Variants in KIAA2012 observed in about 807,000 individuals in gnomAD.
KIAA2012 encodes KIAA2012.
A neutral mutation model predicts 150.6 loss-of-function variants in KIAA2012; 125 were observed. That is an observed-to-expected ratio of 0.83 (90% CI 0.72 to 0.96). The LOEUF (loss-of-function observed/expected upper bound fraction) is 0.96, where lower values mean the gene tolerates loss of function less well. Ranked by LOEUF, KIAA2012 falls within the 40% of genes least tolerant of loss-of-function variation. The probability of loss-of-function intolerance (pLI) is 0.00; values close to 1 mark genes in which losing one functional copy is unlikely to be tolerated. For synonymous variants in KIAA2012, 462 were observed against 504.7 expected (o/e 0.92, Z 1.13); for missense variants, 1,219 against 1,354.9 (o/e 0.90, Z 1.57).
rs1692530886 is a variant in KIAA2012 at position 202,201,749 on chromosome 2, A to C, written c.3408-680A>C. On this transcript the variant is annotated intron_variant, in intron 22 of 23. Transcript: ENST00000498697. Reference sequence around the variant, plus strand: ...CCCTGGGGTGCACAAAGCTTGGATGATAGAGCTCTGAGTAGGCAGTCGGAG... The same window carrying C: ...CCCTGGGGTGCACAAAGCTTGGATGCTAGAGCTCTGAGTAGGCAGTCGGAG... 2.1e-6 allele frequency: 3 copies of C among 1,402,926 alleles called. No homozygotes were observed. The Admixed American group carries it at 5.0e-5, about 24-fold the overall frequency. 86.9% of individuals were successfully genotyped at this position (1,402,926 alleles called of 1,614,324 possible).
chr2:202,100,273 T>C (rs1197396087), intron 6 of KIAA2012, 34 bp from the exon 7 acceptor site: 22 of 1,536,980 alleles, frequency 1.4e-5, no homozygotes, highest in Non-Finnish European at 1.8e-5. Flanking sequence ...CTACCTGCAA[T>C]TAATATATTC....
At chr2:202,185,916 T>TCATTCAA (rs1188182918) in intron 16 of KIAA2012, among the ~76,000 whole-genome samples, 6 of 152,202 alleles carry the variant, frequency 3.9e-5, no homozygotes, top group Non-Finnish European at 5.9e-5. Flanking sequence ...TCCATTCACC[T>TCATTCAA]CATTCAACAA....
intron 14 of KIAA2012, among the ~76,000 whole-genome samples, chr2:202,155,372 C>G (rs1426005674): frequency 4.6e-5 from 7 of 152,164 alleles, no homozygotes; most frequent in Non-Finnish European, 7.3e-5. Context: ...CCCTCCCACC[C>G]CAGCATCGAA....
intron 15 of KIAA2012, among the ~76,000 whole-genome samples, chr2:202,174,620 T>A (rs1038934612): frequency 6.6e-6 from 1 of 152,208 alleles, no homozygotes; most frequent in African/African-American, 2.4e-5. Context: ...ACTGCAAACA[T>A]ACACAGAAGT....
intron 2 of KIAA2012, among the ~76,000 whole-genome samples, chr2:202,076,676 G>C (rs1031612300): frequency 6.6e-6 from 1 of 152,094 alleles, no homozygotes; most frequent in Non-Finnish European, 1.5e-5. Context: ...TTTGCCCAAG[G>C]CCAGAGAGCT....
At position 202,104,494 on chromosome 2, in the gene KIAA2012, G is replaced by T. The variant is rs578030278; in HGVS notation, c.1325-1267G>T. On this transcript the variant is annotated intron_variant, in intron 8 of 23. Coordinates refer to ENST00000498697, the MANE Select transcript of KIAA2012 (RefSeq NM_001277372.4). This position sits in a 1 kb window ranked among gnomAD's most constrained non-coding sequence, Gnocchi z 4.3. The stretch of plus-strand genomic sequence containing the variant: ...AGGAGGCAGAAGGCAGGGAGCACAG[G>T]CAAGAGGCTGTATTGTGGTTTTCAC... Among the ~76,000 whole-genome samples the T allele has an allele frequency of 6.6e-6, 1 of 152,296 alleles. No homozygotes were observed. Among genetic ancestry groups the T allele is most frequent in the Non-Finnish European group, 1.5e-5 (1 of 68,020 alleles).
In KIAA2012 at chr2:202,123,987, G is replaced by A. The variant is rs904793241; in HGVS notation, c.1763-1227G>A. Among the ~76,000 whole-genome samples the A allele has an allele frequency of 5.3e-5, 8 of 152,078 alleles. No individual in the cohort carries two copies. The East Asian group carries it at 9.6e-4, about 18-fold the overall frequency. On this transcript the variant is annotated intron_variant, in intron 11 of 23. Transcript: ENST00000498697. ...GTGGATCAGCTGAGGTCAGGAGGTC[G>A]AGACCAGCCTGGCCAACATGGTGAA... is the stretch of plus-strand genomic sequence containing the variant.
At chr2:202,143,346 A>G (rs1430337010) in intron 13 of KIAA2012, among the ~76,000 whole-genome samples, 3 of 151,980 alleles carry the variant, frequency 2.0e-5, no homozygotes, top group African/African-American at 7.3e-5. Flanking sequence ...TTGGCCTCCC[A>G]AAGTGCTAGG....
At chr2:202,094,797 G>T (rs1051367162) in intron 4 of KIAA2012, among the ~76,000 whole-genome samples, 1 of 152,154 alleles carries the variant, frequency 6.6e-6, no homozygotes, top group African/African-American at 2.4e-5. Context: ...GTGATTACAG[G>T]CATGAGTCAC....
intron 5 of KIAA2012, 71 bp downstream of exon 5, chr2:202,097,648 G>A: frequency 6.6e-7 from 1 of 1,504,934 alleles, no homozygotes; most frequent in Non-Finnish European, 8.9e-7. Context: ...AGAGTGCAAT[G>A]GCAGAATTTT....
chr2:202,111,681 G>A (rs565560750), intron 10 of KIAA2012, among the ~76,000 whole-genome samples: 2 of 152,124 alleles, frequency 1.3e-5, no homozygotes, highest in Admixed American at 6.6e-5. Flanking sequence ...GTGCATGCAT[G>A]TCATTGTGCA....
intron 15 of KIAA2012, 27 bp from the exon 16 acceptor site, chr2:202,184,726 T>G: frequency 6.7e-7 from 1 of 1,483,908 alleles, no homozygotes. Flanking sequence ...CTGTTGTCCT[T>G]TATTGATTGA....
intron 13 of KIAA2012, among the ~76,000 whole-genome samples, chr2:202,143,019 C>G (rs944247363): frequency 6.7e-6 from 1 of 149,742 alleles, no homozygotes; most frequent in Non-Finnish European, 1.5e-5. Flanking sequence ...GTTTCCAGAC[C>G]CTGCCAAATG....
At chr2:202,204,208 C>CT (rs1692593133) in intron 23 of KIAA2012, among the ~76,000 whole-genome samples, 1 of 151,840 alleles carries the variant, frequency 6.6e-6, no homozygotes. Flanking sequence ...TCCCAAGTAG[C>CT]TGAGACTATA....
chr2:202,161,636 C>T (rs571974450), intron 14 of KIAA2012, among the ~76,000 whole-genome samples: 2 of 152,078 alleles, frequency 1.3e-5, no homozygotes, highest in South Asian at 4.2e-4. Context: ...GGTAAACAAC[C>T]TTCCCAGCCT....
chr2:202,089,372 C>T (rs771589527), intron 2 of KIAA2012, among the ~76,000 whole-genome samples: 9 of 152,168 alleles, frequency 5.9e-5, no homozygotes, highest in Non-Finnish European at 7.3e-5. Flanking sequence ...GCACCTGCTT[C>T]GAAACATCTT....
intron 10 of KIAA2012, among the ~76,000 whole-genome samples, chr2:202,112,204 G>A (rs543271389): frequency 1.3e-5 from 2 of 152,248 alleles, no homozygotes; most frequent in East Asian, 3.9e-4. Context: ...GAGGGTTGGA[G>A]CTTCCAGCCA....
At chr2:202,180,317 G>C (rs999239634) in intron 15 of KIAA2012, among the ~76,000 whole-genome samples, 1 of 150,534 alleles carries the variant, frequency 6.6e-6, no homozygotes, top group Non-Finnish European at 1.5e-5. Flanking sequence ...ACAATGAAGT[G>C]ACTGAAAAAT....
At chr2:202,201,440 T>TA in intron 22 of KIAA2012, 2 of 1,594,054 alleles carry the variant, frequency 1.3e-6, no homozygotes, top group East Asian at 4.5e-5. Context: ...TCCACTGAGT[T>TA]ACGAGGACAT....
Sources: allele counts gnomAD v4.1 joint callset (sites outside exome capture counted in the v4.1 genomes callset), GRCh38; gene constraint gnomAD v4.1.1; non-coding constraint Gnocchi (gnomAD v3.1); transcripts MANE v1.5; gene names NCBI Gene and HGNC (gene_info 2026-07-23, HGNC 2026-07-21).